LY86: variants seen among roughly 807,000 people sequenced by gnomAD.
LY86 encodes MD-1, RP105-associated.
LY86 carries 20 observed loss-of-function variants against 17.3 expected under a neutral mutation model. The observed-to-expected ratio is 1.15, with a 90% CI of 0.81 to 1.68. The LOEUF is 1.68. LY86 is among the 40% of genes most tolerant of loss of function. LY86 has a pLI of 0.00. For synonymous variants in LY86, 74 were observed against 70.6 expected, an observed-to-expected ratio of 1.05 and a Z score of -0.24; for missense variants, 200 against 191.9, an observed-to-expected ratio of 1.04 and a Z score of -0.25.
chr6:6,589,997 T>G (rs907868248), intron 1 of LY86, among the ~76,000 whole-genome samples: 8 of 151,864 alleles, frequency 5.3e-5, no homozygotes, highest in Non-Finnish European at 1.0e-4. Context: ...GGCACGCGCC[T>G]GTAATCCCAG....
intron 1 of LY86, among the ~76,000 whole-genome samples, chr6:6,601,833 T>G (rs545006568): frequency 6.6e-6 from 1 of 152,350 alleles, no homozygotes; most frequent in East Asian, 1.9e-4. Context: ...CATGTGGGAA[T>G]GCAGTACCTG....
chr6:6,654,478 A>G (rs920578450), intron 4 of LY86, 66 bp from the exon 5 acceptor site: 3 of 1,247,930 alleles, frequency 2.4e-6, no homozygotes, highest in African/African-American at 2.9e-5. Context: ...TTCTCTGTAA[A>G]TATTTGTTAA....
At chr6:6,642,806 A>G (rs1231111473) in intron 3 of LY86, among the ~76,000 whole-genome samples, 1 of 152,222 alleles carries the variant, frequency 6.6e-6, no homozygotes, top group African/African-American at 2.4e-5. Context: ...ACCCAGAGGT[A>G]AGGAGAGGAA....
chr6:6,602,277 C>CCCATCA, intron 1 of LY86, among the ~76,000 whole-genome samples: 1 of 152,332 alleles, frequency 6.6e-6, no homozygotes, highest in African/African-American at 2.4e-5. Flanking sequence ...TCATGCCAGT[C>CCCATCA]CCATCACCAT....
intron 1 of LY86, chr6:6,622,657 C>G (rs1761706400): frequency 6.6e-6 from 1 of 152,190 alleles, no homozygotes; most frequent in Non-Finnish European, 1.5e-5. Context: ...CTGAAATTGC[C>G]TAGTGATCAT....
At position 6,649,629 on chromosome 6, in the gene LY86, G is replaced by C; in HGVS notation, c.357G>C (p.Gln119His). 1 of 1,560,392 alleles carries C rather than the reference G, an allele frequency of 6.4e-7. No homozygotes were observed. Among genetic ancestry groups the C allele is most frequent in the Non-Finnish European group, 8.8e-7 (1 of 1,140,302 alleles). ...FSFCGRRKGE[Q>H]IYYAGPVNNP... is the part of the protein sequence containing the mutation. The stretch of plus-strand genomic sequence containing the variant: ...ATGCTTTATATATTTTTTCAGAGCA[G>C]ATTTACTATGCTGGGCCTGTCAATA... Residue 119 changes from glutamine (Q) to histidine (H), a missense_variant, in exon 4 of 5, where the codon CAG (glutamine) becomes CAC (histidine). Coordinates refer to ENST00000230568, the MANE Select transcript of LY86 (RefSeq NM_004271.4).
intron 1 of LY86, among the ~76,000 whole-genome samples, chr6:6,604,052 C>A (rs1761012696): frequency 6.6e-6 from 1 of 152,092 alleles, no homozygotes; most frequent in African/African-American, 2.4e-5. Context: ...TCAAAAAAAT[C>A]TTAAGCCTAG....
chr6:6,626,364 T>A lies in LY86; in HGVS notation c.295T>A (p.Tyr99Asn), dbSNP rs767353824. ...SQGSSVLNFS[Y>N]PICEAALPKF... is the part of the protein sequence containing the mutation. ...AGGCTCATCTGTTTTGAATTTCTCC[T>A]ATCCCATCTGTGAGGCGGCTCTGCC... The change falls in exon 3 of 5, where the codon TAT (tyrosine) becomes AAT (asparagine). Residue 99 changes from tyrosine (Y) to asparagine (N), a missense_variant. By Grantham distance (143) the Tyr-to-Asn change is moderately radical. Coordinates refer to ENST00000230568, the MANE Select transcript of LY86 (RefSeq NM_004271.4). 1 of 1,614,030 alleles carries A rather than the reference T, an allele frequency of 6.2e-7. No homozygotes were observed. The highest frequency in any genetic ancestry group is 8.5e-7 in the Non-Finnish European group (1 of 1,179,970).
intron 1 of LY86, among the ~76,000 whole-genome samples, chr6:6,605,801 T>C (rs1761107957): frequency 6.6e-6 from 1 of 152,136 alleles, no homozygotes; most frequent in East Asian, 1.9e-4. Context: ...TTCCTTTTGG[T>C]GGGGTTCGTG....
intron 1 of LY86, among the ~76,000 whole-genome samples, chr6:6,619,109 G>A (rs1456130064): frequency 6.6e-6 from 1 of 152,020 alleles, no homozygotes. Flanking sequence ...CTATGAATTC[G>A]CCAAGAAAAT....
intron 3 of LY86, among the ~76,000 whole-genome samples, chr6:6,647,968 TACAC>T (rs57233850): frequency 0.11 from 15,226 of 144,496 alleles, 834 homozygotes; most frequent in African/African-American, 0.14. Context: ...AATCATCACA[TACAC>T]ACACACACAC....
rs563574992 is a variant in LY86, at chr6:6,613,408, G to A, written c.137-11518G>A. On this transcript the variant is annotated intron_variant, in intron 1 of 4. Coordinates refer to ENST00000230568, the MANE Select transcript of LY86 (RefSeq NM_004271.4). ...GGAGCGGGAGGAGACTTCAGGCATG[G>A]TGGGCTGCAGGTCCTGAGCCCTGCC... Among the ~76,000 whole-genome samples the A allele has an allele frequency of 3.9e-5, 6 of 152,332 alleles. No individual in the cohort carries two copies. The East Asian group carries it at 7.7e-4, about 20-fold the overall frequency.
intron 3 of LY86, among the ~76,000 whole-genome samples, chr6:6,646,790 C>G (rs79997235): frequency 0.011 from 1,629 of 152,292 alleles, 44 homozygotes; most frequent in African/African-American, 0.037. Flanking sequence ...ACTTTCTCTT[C>G]TTTTCATTCT....
At chr6:6,622,288 CA>C (rs1428477911) in intron 1 of LY86, among the ~76,000 whole-genome samples, 1 of 152,188 alleles carries the variant, frequency 6.6e-6, no homozygotes, top group Admixed American at 6.5e-5. Context: ...TATTGATAAA[CA>C]TACAGTGTAA....
At chr6:6,640,396 AAAAAAT>A (rs1055626675) in intron 3 of LY86, among the ~76,000 whole-genome samples, 3 of 151,092 alleles carry the variant, frequency 2.0e-5, no homozygotes, top group Non-Finnish European at 2.9e-5. Flanking sequence ...CATCTCTGGA[AAAAAAT>A]AAAAATAAAA....
intron 3 of LY86, among the ~76,000 whole-genome samples, chr6:6,637,438 T>C (rs1189827317): frequency 6.6e-6 from 1 of 152,226 alleles, no homozygotes; most frequent in African/African-American, 2.4e-5. Context: ...TTTATGTTCC[T>C]TGAGCCCAGC....
chr6:6,620,454 G>C (rs1761646936), intron 1 of LY86, among the ~76,000 whole-genome samples: 1 of 152,208 alleles, frequency 6.6e-6, no homozygotes, highest in South Asian at 2.1e-4. Context: ...AGGCCACAGG[G>C]GGCGGAGCTA....
chr6:6,615,850 G>C (rs1761541700), intron 1 of LY86, among the ~76,000 whole-genome samples: 2 of 151,822 alleles, frequency 1.3e-5, no homozygotes, highest in East Asian at 3.9e-4. Context: ...AGCAGAACCA[G>C]ACCCTATCTC....
chr6:6,644,950 T>G (rs1762089291), intron 3 of LY86, among the ~76,000 whole-genome samples: 1 of 152,086 alleles, frequency 6.6e-6, no homozygotes, highest in South Asian at 2.1e-4. Flanking sequence ...CCTCAAGAAC[T>G]TCATGAGCCC....
Sources: gnomAD v4.1 joint callset for allele counts (sites outside exome capture counted in the v4.1 genomes callset) on GRCh38, gnomAD v4.1.1 for gene constraint, MANE v1.5 for transcripts, NCBI Gene and HGNC (gene_info 2026-07-23, HGNC 2026-07-21) for gene names.